The following CTNNA2 variants were observed in gnomAD, a reference collection of about 807,000 sequenced individuals.
CTNNA2 encodes catenin alpha-2.
Under a neutral mutation model 101.0 loss-of-function variants are expected in CTNNA2, and 42 were observed. The ratio of observed to expected loss-of-function variants is 0.42; its 90% CI spans 0.32 to 0.54. CTNNA2 has a LOEUF of 0.54. Ranked by LOEUF, CTNNA2 falls within the 20% of genes least tolerant of loss-of-function variation. CTNNA2 has a pLI of 0.14. For missense variants in CTNNA2, 871 were observed against 1,223.1 expected (o/e 0.71, Z 4.29); for synonymous variants, 450 against 456.4 (o/e 0.99, Z 0.18).
intron 8 of CTNNA2, among the ~76,000 whole-genome samples, chr2:80,394,766 C>CTT (rs11381620): frequency 8.7e-5 from 13 of 149,688 alleles, no homozygotes; most frequent in African/African-American, 3.2e-4. Flanking sequence ...TCTGCAAACT[C>CTT]TTTTTTTTTT....
At chr2:79,384,632 T>C (rs926808589) in intron 4 of CTNNA2, among the ~76,000 whole-genome samples, 5 of 152,158 alleles carry the variant, frequency 3.3e-5, no homozygotes, top group East Asian at 3.9e-4. Flanking sequence ...GGATGTTACT[T>C]TGAAATCTTC....
intron 1 of CTNNA2, among the ~76,000 whole-genome samples, chr2:79,519,264 T>C (rs1042725947): frequency 1.3e-4 from 18 of 143,246 alleles, no homozygotes; most frequent in African/African-American, 4.4e-4. Context: ...TGGGGAAAAA[T>C]AAATCTGTGT....
intron 2 of CTNNA2, among the ~76,000 whole-genome samples, chr2:79,705,984 A>G (rs1206164918): frequency 6.6e-6 from 1 of 152,210 alleles, no homozygotes; most frequent in African/African-American, 2.4e-5. Flanking sequence ...CAGGTGGGAA[A>G]GAAGAGGGAG....
chr2:79,838,809 G>A (rs908430347), intron 3 of CTNNA2, among the ~76,000 whole-genome samples: 2 of 151,992 alleles, frequency 1.3e-5, no homozygotes, highest in Non-Finnish European at 2.9e-5. Flanking sequence ...TGAATTCCGT[G>A]TAGATGAAAA....
intron 9 of CTNNA2, among the ~76,000 whole-genome samples, chr2:80,434,062 C>T (rs551986459): frequency 4.6e-5 from 7 of 152,296 alleles, no homozygotes; most frequent in South Asian, 2.1e-4. Flanking sequence ...GAGTTTCTCA[C>T]GGTCAAAAAA....
chr2:80,320,338 C>A (rs1173000113), intron 7 of CTNNA2, among the ~76,000 whole-genome samples: 1 of 152,210 alleles, frequency 6.6e-6, no homozygotes, highest in Non-Finnish European at 1.5e-5. Context: ...GCCAAATAAG[C>A]ACATTTTCCC....
intron 8 of CTNNA2, among the ~76,000 whole-genome samples, chr2:80,403,979 A>G (rs950859228): frequency 6.6e-6 from 1 of 152,208 alleles, no homozygotes; most frequent in African/African-American, 2.4e-5. Flanking sequence ...GTAGTGGATA[A>G]ACTTTTTAAT....
In CTNNA2 at chr2:79,285,487, ATT is replaced by A. The variant is rs1159808785; in HGVS notation, c.-405-27220_-405-27219del. On this transcript the variant is annotated intron_variant, in intron 2 of 21. Transcript: ENST00000466387. ...CACGTTGGTTTCAAAGAACATCTTT[ATT>A]TCTGCCTTCATTTCGTTATGTACCC... Among the ~76,000 whole-genome samples, 20 of 143,196 alleles carry A rather than the reference ATT, an allele frequency of 1.4e-4. No homozygotes were observed. In the East Asian group the frequency reaches 4.0e-3, roughly 29 times the overall value. The allele number at this position is 143,196 out of a possible 152,430, so 93.9% of individuals were successfully genotyped here. A position where few individuals can be genotyped will look rare whatever the true frequency, so the allele number is the denominator to read the frequency against.
At chr2:80,305,188 TC>T (rs998525473) in intron 7 of CTNNA2, 1 of 985,210 alleles carries the variant, frequency 1.0e-6, no homozygotes, top group African/African-American at 1.7e-5. Context: ...TGGGGTTTTT[TC>T]CCCCTCTTGC....
chr2:80,253,172 A>G (rs966228323), intron 7 of CTNNA2, among the ~76,000 whole-genome samples: 4 of 152,168 alleles, frequency 2.6e-5, no homozygotes, highest in Non-Finnish European at 4.4e-5. Flanking sequence ...GAGGCCAGGT[A>G]CCTGGTTCCT....
chr2:80,201,865 T>C (rs927012705), intron 7 of CTNNA2, among the ~76,000 whole-genome samples: 1 of 152,204 alleles, frequency 6.6e-6, no homozygotes, highest in African/African-American at 2.4e-5. Context: ...TGTTAAACAC[T>C]AATTAAAGAA....
chr2:80,444,816 C>A (rs1173701614), intron 9 of CTNNA2, among the ~76,000 whole-genome samples: 1 of 152,168 alleles, frequency 6.6e-6, no homozygotes, highest in Admixed American at 6.5e-5. Context: ...CCTGGACCTC[C>A]AGCCTCTAGA....
At chr2:79,865,020 A>G (rs1681925771) in intron 4 of CTNNA2, among the ~76,000 whole-genome samples, 1 of 152,012 alleles carries the variant, frequency 6.6e-6, no homozygotes, top group Admixed American at 6.5e-5. Flanking sequence ...TTTTTTTTGT[A>G]CAAACTGAAA....
intron 1 of CTNNA2, among the ~76,000 whole-genome samples, chr2:79,534,403 T>A (rs1672928809): frequency 6.6e-6 from 1 of 152,148 alleles, no homozygotes; most frequent in Admixed American, 6.5e-5. Flanking sequence ...CCATATTGTT[T>A]GTTATAACGC....
At chr2:80,225,711 T>G (rs77759894) in intron 7 of CTNNA2, among the ~76,000 whole-genome samples, 1 of 152,092 alleles carries the variant, frequency 6.6e-6, no homozygotes, top group Non-Finnish European at 1.5e-5. Flanking sequence ...AGGATGATGA[T>G]TTTTTTTCCT....
intron 7 of CTNNA2, among the ~76,000 whole-genome samples, chr2:80,155,567 A>T (rs1217578174): frequency 1.3e-5 from 2 of 151,594 alleles, no homozygotes; most frequent in Admixed American, 1.3e-4. Context: ...TTCTTTTTTA[A>T]TGCTGACCTG....
At chr2:80,278,755 G>A (rs922121241) in intron 7 of CTNNA2, among the ~76,000 whole-genome samples, 4 of 152,020 alleles carry the variant, frequency 2.6e-5, no homozygotes, top group Non-Finnish European at 4.4e-5. Flanking sequence ...TTTTAAAGGT[G>A]CTAGTTTTCA....
chr2:79,422,403 G>T (rs1678549051), intron 4 of CTNNA2, among the ~76,000 whole-genome samples: 2 of 151,716 alleles, frequency 1.3e-5, no homozygotes, highest in African/African-American at 4.8e-5. Context: ...TAGAGCCCAG[G>T]CATGCTGCTA....
At chr2:79,672,434 A>G (rs1469899047) in intron 2 of CTNNA2, among the ~76,000 whole-genome samples, 2 of 152,104 alleles carry the variant, frequency 1.3e-5, no homozygotes, top group Admixed American at 1.3e-4. Context: ...TTTTTTTGTA[A>G]TCGGTTCTAA....
Sources: gnomAD v4.1 joint callset for allele counts (sites outside exome capture counted in the v4.1 genomes callset) on GRCh38, gnomAD v4.1.1 for gene constraint, MANE v1.5 for transcripts, NCBI Gene and HGNC (gene_info 2026-07-23, HGNC 2026-07-21) for gene names.